The following TTC7B variants were observed in gnomAD, a reference collection of about 807,000 sequenced individuals.
The protein encoded by TTC7B is tetratricopeptide repeat protein 7B.
In TTC7B, 28 loss-of-function variants were observed where a neutral mutation model predicts 106.8. That is an observed-to-expected ratio of 0.26 (90% confidence interval 0.19 to 0.36). The LOEUF is 0.36. TTC7B is among the 10% of genes least tolerant of loss of function. The pLI, the probability that TTC7B is intolerant of heterozygous loss-of-function variation, is 1.00. For synonymous variants in TTC7B, 405 were observed against 430.6 expected, an observed-to-expected ratio of 0.94 and a Z score of 0.74; for missense variants, 862 against 1,076.4, an observed-to-expected ratio of 0.80 and a Z score of 2.79.
intron 15 of TTC7B, among the ~76,000 whole-genome samples, chr14:90,631,652 C>T (rs1218034547): frequency 2.6e-5 from 4 of 151,910 alleles, no homozygotes; most frequent in Non-Finnish European, 5.9e-5. Flanking sequence ...GTGATCTGCC[C>T]ATCTCAGCCT....
chr14:90,702,073 C>T (rs1742098), intron 5 of TTC7B, among the ~76,000 whole-genome samples: 80,999 of 151,890 alleles, frequency 0.53, 21,986 homozygotes, highest in Middle Eastern at 0.67. Flanking sequence ...TCTATATACC[C>T]GAATGTAAAG....
chr14:90,658,255 G>A (rs1396136353), intron 10 of TTC7B, 49 bp downstream of exon 10: 1 of 1,481,768 alleles, frequency 6.7e-7, no homozygotes, highest in Admixed American at 1.7e-5. Context: ...CAACTCTTTG[G>A]CCTTAATAGG....
intron 7 of TTC7B, among the ~76,000 whole-genome samples, chr14:90,688,305 CAT>C (rs1198984924): frequency 6.6e-6 from 1 of 152,100 alleles, no homozygotes; most frequent in Non-Finnish European, 1.5e-5. Flanking sequence ...GCCTGGCCAA[CAT>C]AGTGAAACCC....
chr14:90,762,575 G>A (rs1304336594), intron 3 of TTC7B, among the ~76,000 whole-genome samples: 1 of 152,166 alleles, frequency 6.6e-6, no homozygotes, highest in Non-Finnish European at 1.5e-5. Context: ...GAAAAAAATA[G>A]GACTTATCCA....
chr14:90,665,041 CT>C (rs1262661658), intron 9 of TTC7B, among the ~76,000 whole-genome samples: 1 of 152,152 alleles, frequency 6.6e-6, no homozygotes, highest in Non-Finnish European at 1.5e-5. Context: ...CCCTTTTCCA[CT>C]TGTGGAGTCC....
intron 9 of TTC7B, among the ~76,000 whole-genome samples, chr14:90,672,075 C>T (rs1313093849): frequency 6.6e-6 from 1 of 152,186 alleles, no homozygotes; most frequent in Non-Finnish European, 1.5e-5. Context: ...CTCTGTGGTG[C>T]CCGTGGGCCC....
intron 9 of TTC7B, among the ~76,000 whole-genome samples, chr14:90,660,431 A>AGAAAC: frequency 6.7e-6 from 1 of 148,568 alleles, no homozygotes; most frequent in Non-Finnish European, 1.5e-5. Context: ...AGAAAAGAAA[A>AGAAAC]GAAAAGAAAA....
intron 3 of TTC7B, among the ~76,000 whole-genome samples, chr14:90,758,978 T>G (rs1890410920): frequency 6.6e-6 from 1 of 152,220 alleles, no homozygotes; most frequent in African/African-American, 2.4e-5. Flanking sequence ...TGTATTATAT[T>G]TTTACAATTC....
chr14:90,620,659 G>T (rs1251035437), intron 15 of TTC7B, among the ~76,000 whole-genome samples: 1 of 152,144 alleles, frequency 6.6e-6, no homozygotes, highest in Non-Finnish European at 1.5e-5. Context: ...CTCCAATGGC[G>T]CCTGCCCCCA....
intron 9 of TTC7B, among the ~76,000 whole-genome samples, chr14:90,661,456 G>A (rs1484145401): frequency 1.3e-5 from 2 of 152,180 alleles, no homozygotes; most frequent in African/African-American, 4.8e-5. Flanking sequence ...GGCATGGGCT[G>A]GGACTAAGTA....
chr14:90,582,301 G>A (rs539603641), intron 18 of TTC7B, among the ~76,000 whole-genome samples: 34 of 152,328 alleles, frequency 2.2e-4, no homozygotes, highest in African/African-American at 7.7e-4. Context: ...GGAGAACTTG[G>A]TTCTTGGCCC....
At chr14:90,585,327 C>T (rs1293397415) in intron 18 of TTC7B, among the ~76,000 whole-genome samples, 1 of 152,228 alleles carries the variant, frequency 6.6e-6, no homozygotes, top group African/African-American at 2.4e-5. Context: ...GGCGCTAGCC[C>T]TTCCTGGCCT....
At chr14:90,562,071 T>C (rs1890615319) in intron 19 of TTC7B, among the ~76,000 whole-genome samples, 1 of 152,136 alleles carries the variant, frequency 6.6e-6, no homozygotes, top group South Asian at 2.1e-4. Flanking sequence ...TCGGGTACCA[T>C]GTACCAGCTG....
At chr14:90,614,542 A>G (rs2139845074) in intron 16 of TTC7B, among the ~76,000 whole-genome samples, 1 of 152,388 alleles carries the variant, frequency 6.6e-6, no homozygotes, top group Non-Finnish European at 1.5e-5. Context: ...GGTTAACAAT[A>G]AAAAATGAAA....
intron 18 of TTC7B, among the ~76,000 whole-genome samples, chr14:90,580,797 G>A (rs1370005269): frequency 6.6e-6 from 1 of 152,226 alleles, no homozygotes; most frequent in African/African-American, 2.4e-5. Context: ...TGATAGCCAG[G>A]TCCCTGTAAG....
chr14:90,630,831 G>GTTTTTTTTTTTTTTTTTTTTTTT (rs201616174), intron 15 of TTC7B, among the ~76,000 whole-genome samples: 1 of 141,864 alleles, frequency 7.0e-6, no homozygotes. Flanking sequence ...CTTCTATCTT[G>GTTTTTTTTTTTTTTTTTTTTTTT]TTTTTTGTTT....
rs953941140 is a variant in TTC7B at position 90,739,613 on chromosome 14, C to A, written c.576+5179G>T. Among the ~76,000 whole-genome samples, 4 of 152,320 alleles carry A rather than the reference C, an allele frequency of 2.6e-5. No individual in the cohort carries two copies. In the South Asian group the frequency reaches 6.2e-4, roughly 24 times the overall value. ...GGTGGGGCACTGTAATATTTGGGGA[C>A]CTGGTGTTTCTTCTAGAAACTTTAG... is the stretch of plus-strand genomic sequence containing the variant. On this transcript the variant is annotated intron_variant, in intron 4 of 19. Coordinates refer to ENST00000328459, the MANE Select transcript of TTC7B (RefSeq NM_001010854.2).
At chr14:90,793,348 AC>A (rs1891652093) in intron 1 of TTC7B, among the ~76,000 whole-genome samples, 1 of 151,848 alleles carries the variant, frequency 6.6e-6, no homozygotes, top group Non-Finnish European at 1.5e-5. Flanking sequence ...ACATGGCAAA[AC>A]CCCGTCTCTA....
At position 90,600,976 on chromosome 14, in the gene TTC7B, C is replaced by A. The variant is rs60682312; in HGVS notation, c.1967-7350G>T. Among the ~76,000 whole-genome samples, 4 of 152,126 alleles carry A rather than the reference C, an allele frequency of 2.6e-5. No individual in the cohort carries two copies. Among genetic ancestry groups the A allele is most frequent in the South Asian group, 2.1e-4 (1 of 4,818 alleles). On this transcript the variant is annotated intron_variant, in intron 17 of 19. Coordinates refer to ENST00000328459, the MANE Select transcript of TTC7B (RefSeq NM_001010854.2). The surrounding 1 kb of genome is among the most constrained non-coding windows in gnomAD (Gnocchi z 4.3). ...GAGCCTCCAAGTGCCTGACTGCCGG[C>A]GTCCTGGGGAAAGCCTCCCAGGTTG...
Sources: allele counts gnomAD v4.1 joint callset (sites outside exome capture counted in the v4.1 genomes callset), GRCh38; gene constraint gnomAD v4.1.1; non-coding constraint Gnocchi (gnomAD v3.1); transcripts MANE v1.5; gene names NCBI Gene and HGNC (gene_info 2026-07-23, HGNC 2026-07-21).